Variants in PLEKHG5 observed in about 807,000 individuals in gnomAD.
The protein encoded by PLEKHG5 is pleckstrin homology domain-containing family G member 5.
PLEKHG5 carries 52 observed loss-of-function variants against 103.8 expected under a neutral mutation model. The ratio of observed to expected loss-of-function variants is 0.50; its 90% CI spans 0.40 to 0.63. The LOEUF is 0.63. PLEKHG5 is among the 30% of genes least tolerant of loss of function. The pLI is 0.00. For synonymous variants in PLEKHG5, 592 were observed against 575.5 expected, an observed-to-expected ratio of 1.03 and a Z score of -0.41; for missense variants, 1,205 against 1,347.6, an observed-to-expected ratio of 0.89 and a Z score of 1.66.
chr1:6,471,469 C>A lies in PLEKHG5; in HGVS notation c.1281+19G>T. On this transcript the variant is annotated intron_variant, in intron 12 of 20. Coordinates refer to ENST00000377728, the MANE Select transcript of PLEKHG5 (RefSeq NM_020631.6). ...AGCCCTGCCTCAGTGCCCCCGCCTG[C>A]GCCCGGCCCCGCCCGTACCATCTTG... 6.2e-7 allele frequency: 1 copy of A among 1,606,350 alleles called. No homozygotes were observed. Among genetic ancestry groups the A allele is most frequent in the Non-Finnish European group, 8.5e-7 (1 of 1,177,224 alleles).
chr1:6,475,687 G>A (rs950262462), intron 3 of PLEKHG5, among the ~76,000 whole-genome samples, 165 bp from the exon 4 acceptor site: 2 of 152,166 alleles, frequency 1.3e-5, no homozygotes, highest in African/African-American at 4.8e-5. Context: ...GCCCTCTGGT[G>A]GCCAACACGG....
chr1:6,496,273 C>G (rs372670695), upstream of PLEKHG5, among the ~76,000 whole-genome samples: 307 of 152,346 alleles, frequency 2.0e-3, no homozygotes, highest in African/African-American at 6.7e-3. Context: ...CTCCACCCCC[C>G]TGTTCTTGTA....
intron 10 of PLEKHG5, 73 bp from the exon 11 acceptor site, chr1:6,471,881 C>T (rs1557742727): frequency 1.4e-6 from 2 of 1,420,678 alleles, no homozygotes; most frequent in Non-Finnish European, 1.9e-6. Context: ...CAGCCTCAGG[C>T]TCCCCTGCCA....
intron 12 of PLEKHG5, 26 bp from the exon 13 acceptor site, chr1:6,471,126 C>A: frequency 6.5e-7 from 1 of 1,532,202 alleles, no homozygotes. Flanking sequence ...ACAACCACGG[C>A]GCCGGTTACC....
rs113541584 is a variant in PLEKHG5, at chr1:6,469,122, T to TTCC, written c.2166_2168dup (p.Glu723dup). On this transcript the variant is annotated inframe_insertion, in exon 19 of 21. Transcript: ENST00000377728. ...CAGCTGAAGTGCCACTGTCCTCGCC[T>TTCC]TCCTCCTCCTCCTCCTCCTCCTCCT... is the stretch of plus-strand genomic sequence containing the variant. 527 of 1,590,526 alleles carry TTCC rather than the reference T, an allele frequency of 3.3e-4. No individual in the cohort carries two copies. Among genetic ancestry groups the TTCC allele is most frequent in the South Asian group, 5.2e-4 (47 of 90,468 alleles).
intron 2 of PLEKHG5, 54 bp downstream of exon 2, chr1:6,477,475 A>G (rs1241802019): frequency 3.1e-6 from 5 of 1,592,224 alleles, no homozygotes; most frequent in Non-Finnish European, 4.3e-6. Context: ...ACAGTTACTG[A>G]AACACTGACA....
chr1:6,470,911 C>T, intron 13 of PLEKHG5, 27 bp from the exon 14 acceptor site: 1 of 1,543,186 alleles, frequency 6.5e-7, no homozygotes, highest in Non-Finnish European at 8.8e-7. Flanking sequence ...GGGGCGGGCT[C>T]AGGGCAGGCC....
chr1:6,515,898 C>T (rs529975229), intron 1 of PLEKHG5, among the ~76,000 whole-genome samples: 1 of 152,264 alleles, frequency 6.6e-6, no homozygotes, highest in South Asian at 2.1e-4. Context: ...TAAGGAGTCA[C>T]CTGACTAGTC....
chr1:6,472,887 C>A, intron 9 of PLEKHG5, 99 bp downstream of exon 9: 1 of 1,180,870 alleles, frequency 8.5e-7, no homozygotes, highest in Non-Finnish European at 1.3e-6. Flanking sequence ...TAACAGTGGC[C>A]TCTTTGGGGC....
Position 6,469,134 on chromosome 1 carries a change from CTCCTCCTCCTCCTCT to C in PLEKHG5, c.2142_2156del (p.Glu719_Glu723del), listed in dbSNP as rs760699878. ...CACTGTCCTCGCCTTCCTCCTCCTC[CTCCTCCTCCTCCTCT>C]TCCTCCTCCTGCTCATCCTCCTCCT... On this transcript the variant is annotated inframe_deletion, in exon 19 of 21. Coordinates refer to ENST00000377728, the MANE Select transcript of PLEKHG5 (RefSeq NM_020631.6). 1.5e-5 allele frequency: 24 copies of C among 1,610,846 alleles called. No homozygotes were observed. The highest frequency in any genetic ancestry group is 3.3e-5 in the Admixed American group (2 of 59,886).
chr1:6,519,729 C>T (rs1358989288), exon 1 of PLEKHG5: 9 of 615,930 alleles, frequency 1.5e-5, no homozygotes, highest in African/African-American at 3.7e-5. Flanking sequence ...ATTTGCTCCC[C>T]GTCCAACACA....
At chr1:6,502,764 T>G (rs1011428755) in intron 1 of PLEKHG5, among the ~76,000 whole-genome samples, 1 of 152,212 alleles carries the variant, frequency 6.6e-6, no homozygotes, top group Non-Finnish European at 1.5e-5. Context: ...CCACCCTGCA[T>G]GGGCCCCGGC....
chr1:6,485,339 G>A, intron 1 of PLEKHG5: 4 of 1,427,154 alleles, frequency 2.8e-6, no homozygotes, highest in Non-Finnish European at 3.6e-6. Flanking sequence ...TATCACCGTC[G>A]CGGGCACGAC....
Position 6,470,726 on chromosome 1 carries a change from C to A in PLEKHG5, c.1542+9G>T, listed in dbSNP as rs984099374. 6.4e-7 allele frequency: 1 copy of A among 1,554,992 alleles called. No individual in the cohort carries two copies. The highest frequency in any genetic ancestry group is 8.7e-7 in the Non-Finnish European group (1 of 1,151,964). ...AGGGGGGACGGCTCCCGCTGGCCAT[C>A]AGGGTTACCATGGCGACGACGGCCT... On this transcript the variant is annotated intron_variant, in intron 14 of 20. Transcript: ENST00000377728.
chr1:6,496,259 G>A (rs572641749), upstream of PLEKHG5, among the ~76,000 whole-genome samples: 3 of 152,348 alleles, frequency 2.0e-5, no homozygotes, highest in African/African-American at 7.2e-5. Flanking sequence ...AGGGCTTTGG[G>A]GTACTCCACC....
chr1:6,519,484 A>T, exon 1 of PLEKHG5: 2 of 1,613,668 alleles, frequency 1.2e-6, no homozygotes, highest in Non-Finnish European at 1.7e-6. Flanking sequence ...CGAGGTGGAG[A>T]CCCATGTTTT....
rs780903589 is a variant in PLEKHG5 at position 6,477,650 on chromosome 1, G to T, written c.-79C>A. On this transcript the variant is annotated 5_prime_UTR_variant, in exon 2 of 21. Coordinates refer to ENST00000377728, the MANE Select transcript of PLEKHG5 (RefSeq NM_020631.6). The stretch of plus-strand genomic sequence containing the variant: ...GGTGCAGCTGCTGGCAGTCGGCGTG[G>T]TGACATACCTGGGGTGGGGACAGAA... 6.2e-6 allele frequency: 10 copies of T among 1,603,724 alleles called. No homozygotes were observed. Among genetic ancestry groups the T allele is most frequent in the Non-Finnish European group, 8.5e-6 (10 of 1,179,910 alleles).
Position 6,475,469 on chromosome 1 carries a change from T to C in PLEKHG5, c.203A>G (p.His68Arg), listed in dbSNP as rs1212786795. ...CTCTGGGGGGCTCCTCACATCCGTG[T>C]GTCTCCTCCTTGCTTTCTTCTTGGA... ...KLSKKKARRR[H>R]TDDPSKECFT... Residue 68 changes from histidine (H) to arginine (R), a missense_variant, in exon 4 of 21, where the codon CAC becomes CGC. By Grantham distance (29) the His-to-Arg change is conservative. Coordinates refer to ENST00000377728, the MANE Select transcript of PLEKHG5 (RefSeq NM_020631.6). 6.2e-7 allele frequency: 1 copy of C among 1,613,304 alleles called. No individual in the cohort carries two copies. The highest frequency in any genetic ancestry group is 1.3e-5 in the African/African-American group (1 of 74,754).
chr1:6,467,824 C>A lies in PLEKHG5; in HGVS notation c.3011+1G>T. ...GCCCTACCCCAGTCCAGGCCACTCA[C>A]GAGGCAGTGAGCGTGGAGTTAAGCA... On this transcript the variant is annotated splice_donor_variant, in intron 20 of 20. Coordinates refer to ENST00000377728, the MANE Select transcript of PLEKHG5 (RefSeq NM_020631.6). LOFTEE classifies it high-confidence loss of function. 6.2e-7 allele frequency: 1 copy of A among 1,613,104 alleles called. No individual in the cohort carries two copies. Among genetic ancestry groups the A allele is most frequent in the South Asian group, 1.1e-5 (1 of 91,030 alleles).
Sources: gnomAD v4.1 joint callset for allele counts (sites outside exome capture counted in the v4.1 genomes callset) on GRCh38, gnomAD v4.1.1 for gene constraint, MANE v1.5 for transcripts, NCBI Gene and HGNC (gene_info 2026-07-23, HGNC 2026-07-21) for gene names.